Variants in CREM observed in about 807,000 individuals in gnomAD.
The protein encoded by CREM is cAMP-responsive element modulator.
CREM carries 13 observed loss-of-function variants against 37.3 expected under a neutral mutation model. The ratio of observed to expected loss-of-function variants is 0.35; its 90% CI spans 0.23 to 0.55. The LOEUF (loss-of-function observed/expected upper bound fraction) is 0.55. Ranked by LOEUF, CREM falls within the 20% of genes least tolerant of loss-of-function variation. CREM has a pLI of 0.88. For missense variants in CREM, 296 were observed against 362.3 expected (o/e 0.82, Z 1.49); for synonymous variants, 124 against 120.2 (o/e 1.03, Z -0.21).
At chr10:35,155,199 G>C in intron 3 of CREM, among the ~76,000 whole-genome samples, 1 of 152,164 alleles carries the variant, frequency 6.6e-6, no homozygotes, top group East Asian at 1.9e-4. Flanking sequence ...TAATGATTAT[G>C]AGGTTTGGAT....
chr10:35,199,022 G>A (rs1266074950), intron 6 of CREM, among the ~76,000 whole-genome samples: 1 of 152,234 alleles, frequency 6.6e-6, no homozygotes, highest in Non-Finnish European at 1.5e-5. Flanking sequence ...GGTGGCATAT[G>A]CCTGTAATCC....
intron 3 of CREM, among the ~76,000 whole-genome samples, chr10:35,176,663 CT>C (rs2094106454): frequency 6.6e-6 from 1 of 152,200 alleles, no homozygotes; most frequent in South Asian, 2.1e-4. Flanking sequence ...CCTGTCTCGG[CT>C]TCCCAAAGTG....
chr10:35,200,643 T>C (rs910696624), intron 6 of CREM, among the ~76,000 whole-genome samples: 7 of 151,858 alleles, frequency 4.6e-5, no homozygotes, highest in Non-Finnish European at 7.4e-5. Context: ...GAGCAGGTGG[T>C]GGTAGACAGG....
intron 5 of CREM, among the ~76,000 whole-genome samples, chr10:35,187,105 AT>A (rs1278713300): frequency 4.1e-5 from 3 of 73,886 alleles, no homozygotes; most frequent in African/African-American, 5.6e-5. Context: ...TATATGATAT[AT>A]ATTATATAAA....
At chr10:35,209,531 C>A (rs1361202258) in intron 7 of CREM, 1 of 163,206 alleles carries the variant, frequency 6.1e-6, no homozygotes, top group Admixed American at 6.5e-5. Flanking sequence ...TGCATGCACA[C>A]ACACACATGC....
chr10:35,168,530 T>A (rs994311852), intron 3 of CREM, among the ~76,000 whole-genome samples: 1 of 152,208 alleles, frequency 6.6e-6, no homozygotes, highest in Non-Finnish European at 1.5e-5. Context: ...TGCAAAAATT[T>A]TTTCCCATTC....
Position 35,211,912 on chromosome 10 carries a change from C to T in CREM, c.*514C>T. The T allele has an allele frequency of 9.2e-7, 1 of 1,082,520 alleles. No individual in the cohort carries two copies. Among genetic ancestry groups the T allele is most frequent in the African/African-American group, 1.6e-5 (1 of 62,136 alleles). 67.1% of individuals were successfully genotyped at this position (1,082,520 alleles called of 1,614,324 possible). A position where few individuals can be genotyped will look rare whatever the true frequency, so the allele number is the denominator to read the frequency against. Reference sequence around the variant, plus strand: ...TTTTCTTTGTATCATTCATCTTCTTCTTTAATCACTTAACATTCCTAAAAT... The same window carrying T: ...TTTTCTTTGTATCATTCATCTTCTTTTTTAATCACTTAACATTCCTAAAAT... On this transcript the variant is annotated 3_prime_UTR_variant, in exon 8 of 8. Transcript: ENST00000685392.
chr10:35,188,772 C>T (rs2094769929), intron 6 of CREM, among the ~76,000 whole-genome samples: 1 of 151,734 alleles, frequency 6.6e-6, no homozygotes, highest in African/African-American at 2.4e-5. Flanking sequence ...ATTCTTCTGC[C>T]TCAGCTTCCC....
intron 3 of CREM, among the ~76,000 whole-genome samples, chr10:35,157,219 A>T (rs780955318): frequency 7.9e-5 from 12 of 152,182 alleles, no homozygotes; most frequent in Non-Finnish European, 5.9e-5. Context: ...ACTCTCAACA[A>T]ATTACATAAA....
chr10:35,134,620 C>T (rs183267221), intron 1 of CREM, among the ~76,000 whole-genome samples: 9 of 152,316 alleles, frequency 5.9e-5, no homozygotes, highest in Middle Eastern at 3.4e-3. Flanking sequence ...CTTTATTACC[C>T]TCTCTGTAAT....
At chr10:35,185,934 G>T (rs1030611841) in intron 5 of CREM, among the ~76,000 whole-genome samples, 1 of 152,172 alleles carries the variant, frequency 6.6e-6, no homozygotes, top group Non-Finnish European at 1.5e-5. Context: ...ATTTGTTGTT[G>T]TTACTCTTTC....
At chr10:35,188,932 C>T (rs1424861971) in intron 6 of CREM, among the ~76,000 whole-genome samples, 1 of 152,062 alleles carries the variant, frequency 6.6e-6, no homozygotes, top group Non-Finnish European at 1.5e-5. Context: ...CCTCAGCCTC[C>T]TAAAGTGCTG....
Position 35,192,358 on chromosome 10 carries a change from T to C in CREM, c.598+3970T>C, listed in dbSNP as rs554969916. Among the ~76,000 whole-genome samples, 3 of 152,272 alleles carry C rather than the reference T, an allele frequency of 2.0e-5. No individual in the cohort carries two copies. The South Asian group carries it at 6.2e-4, about 32-fold the overall frequency. Reference sequence around the variant, plus strand: ...ACTTGTTTTGTTTTGTTTCGTTTTGTTTTGTTTTGAGACAGAGTCTCACTC... The same window carrying C: ...ACTTGTTTTGTTTTGTTTCGTTTTGCTTTGTTTTGAGACAGAGTCTCACTC... On this transcript the variant is annotated intron_variant, in intron 6 of 7. Transcript: ENST00000685392.
intron 3 of CREM, among the ~76,000 whole-genome samples, chr10:35,160,880 G>C (rs1308636142): frequency 2.0e-5 from 3 of 152,186 alleles, no homozygotes; most frequent in Non-Finnish European, 2.9e-5. Flanking sequence ...AGGATCATCT[G>C]TATTGCTGTC....
intron 3 of CREM, among the ~76,000 whole-genome samples, chr10:35,169,411 A>G (rs1307865404): frequency 6.6e-6 from 1 of 152,184 alleles, no homozygotes; most frequent in East Asian, 1.9e-4. Flanking sequence ...TTACTGGTGT[A>G]TAAGAATGCT....
At chr10:35,164,381 C>CA (rs1436749600) in intron 3 of CREM, among the ~76,000 whole-genome samples, 2 of 152,134 alleles carry the variant, frequency 1.3e-5, no homozygotes. Context: ...TGTAAAGTAA[C>CA]AAAAATCTAC....
intron 6 of CREM, among the ~76,000 whole-genome samples, chr10:35,204,470 CG>C (rs2095470534): frequency 6.6e-6 from 1 of 151,912 alleles, no homozygotes; most frequent in Admixed American, 6.6e-5. Context: ...CATGATGGCG[CG>C]TGCCTGTAAT....
At chr10:35,188,125 G>C in intron 5 of CREM, 75 bp from the exon 6 acceptor site, 1 of 1,373,074 alleles carries the variant, frequency 7.3e-7, no homozygotes, top group African/African-American at 1.5e-5. Context: ...TAGACCCAGA[G>C]TATATTCTTC....
At chr10:35,210,625 C>T (rs2095644722) in intron 7 of CREM, 1 of 152,070 alleles carries the variant, frequency 6.6e-6, no homozygotes, top group Admixed American at 6.5e-5. Flanking sequence ...TATTTTGTAG[C>T]CCCCTTCTTT....
Sources: allele counts gnomAD v4.1 joint callset (sites outside exome capture counted in the v4.1 genomes callset), GRCh38; gene constraint gnomAD v4.1.1; transcripts MANE v1.5; gene names NCBI Gene and HGNC (gene_info 2026-07-23, HGNC 2026-07-21).